The following CERS6 variants were observed in gnomAD, a reference collection of about 807,000 sequenced individuals.
The protein encoded by CERS6 is ceramide synthase 6.
In CERS6, 26 loss-of-function variants were observed where a neutral mutation model predicts 56.8. The ratio of observed to expected loss-of-function variants is 0.46; its 90% CI spans 0.34 to 0.63. The LOEUF is 0.63. Ranked by LOEUF, CERS6 falls within the 30% of genes least tolerant of loss-of-function variation. CERS6 has a pLI of 0.01. For synonymous variants in CERS6, 164 were observed against 173.3 expected, an observed-to-expected ratio of 0.95 and a Z score of 0.42; for missense variants, 415 against 467.5, an observed-to-expected ratio of 0.89 and a Z score of 1.04.
chr2:168,732,259 T>C (rs1683562734), intron 8 of CERS6, among the ~76,000 whole-genome samples: 1 of 152,202 alleles, frequency 6.6e-6, no homozygotes, highest in Non-Finnish European at 1.5e-5. Context: ...TGGTAATCAT[T>C]CCTTTCCTTG....
At chr2:168,503,339 T>C (rs1262841629) in intron 1 of CERS6, among the ~76,000 whole-genome samples, 1 of 152,054 alleles carries the variant, frequency 6.6e-6, no homozygotes, top group East Asian at 1.9e-4. Context: ...GTGAAAGCAG[T>C]AGAGTCATGG....
chr2:168,619,142 G>A (rs990874193), intron 3 of CERS6, among the ~76,000 whole-genome samples: 17 of 152,150 alleles, frequency 1.1e-4, no homozygotes, highest in South Asian at 4.1e-4. Flanking sequence ...AATAGTGCTG[G>A]GATAATTGGG....
Position 168,456,335 on chromosome 2 carries a change from A to AGCGGCG in CERS6, c.-105_-100dup, listed in dbSNP as rs1268244932. ...GGAGGCGGCGGCGGCGGGCGGGAGCAGCGGCGGCGGCGGCACAGGCTCGGG... is the reference window on the plus strand; with the variant it reads ...GGAGGCGGCGGCGGCGGGCGGGAGCAGCGGCGGCGGCGGCGGCGGCACAGGCTCGGG... On this transcript the variant is annotated 5_prime_UTR_variant, in exon 1 of 10. Transcript: ENST00000305747. This position sits in a 1 kb window ranked among gnomAD's most constrained non-coding sequence, Gnocchi z 4.1. 9 of 595,204 alleles carry AGCGGCG rather than the reference A, an allele frequency of 1.5e-5. No homozygotes were observed. Among genetic ancestry groups the AGCGGCG allele is most frequent in the Non-Finnish European group, 2.1e-5 (9 of 434,488 alleles). 36.9% of individuals were successfully genotyped at this position (595,204 alleles called of 1,614,324 possible).
intron 4 of CERS6, among the ~76,000 whole-genome samples, chr2:168,680,306 C>A (rs1221446949): frequency 1.3e-5 from 2 of 152,124 alleles, no homozygotes; most frequent in Non-Finnish European, 2.9e-5. Context: ...AATCCAGGCA[C>A]GGGCATCTCA....
chr2:168,688,895 T>A (rs1252353631), intron 4 of CERS6, among the ~76,000 whole-genome samples: 1 of 152,146 alleles, frequency 6.6e-6, no homozygotes, highest in Non-Finnish European at 1.5e-5. Context: ...GCACATCTGA[T>A]GCACACAGAG....
At chr2:168,526,577 G>A (rs1390429655) in intron 1 of CERS6, among the ~76,000 whole-genome samples, 2 of 152,196 alleles carry the variant, frequency 1.3e-5, no homozygotes, top group Non-Finnish European at 2.9e-5. Context: ...TGATATAACT[G>A]TATTACAGAA....
chr2:168,517,900 C>A (rs1476986023), intron 1 of CERS6, among the ~76,000 whole-genome samples: 1 of 152,136 alleles, frequency 6.6e-6, no homozygotes, highest in Non-Finnish European at 1.5e-5. Context: ...ACAGATGGCA[C>A]ATTCCTTTTA....
At chr2:168,609,134 TA>T (rs1684125026) in intron 3 of CERS6, among the ~76,000 whole-genome samples, 1 of 152,216 alleles carries the variant, frequency 6.6e-6, no homozygotes. Flanking sequence ...AGGGAGAGGT[TA>T]TCTTGGATGG....
At chr2:168,460,960 C>A (rs1314706227) in intron 1 of CERS6, among the ~76,000 whole-genome samples, 1 of 151,930 alleles carries the variant, frequency 6.6e-6, no homozygotes, top group Non-Finnish European at 1.5e-5. Flanking sequence ...TGGGTGAGGC[C>A]TTCTAGGATA....
intron 3 of CERS6, among the ~76,000 whole-genome samples, chr2:168,612,082 G>C (rs77074792): frequency 6.6e-6 from 1 of 152,340 alleles, no homozygotes; most frequent in East Asian, 1.9e-4. Flanking sequence ...GTTGAATGCT[G>C]TTCTACATAC....
chr2:168,719,139 G>C (rs1474317128), intron 8 of CERS6, among the ~76,000 whole-genome samples: 1 of 152,298 alleles, frequency 6.6e-6, no homozygotes, highest in Non-Finnish European at 1.5e-5. Flanking sequence ...TACCAGCACT[G>C]AGATGGTACT....
chr2:168,523,490 A>C (rs1695019125), intron 1 of CERS6, among the ~76,000 whole-genome samples: 1 of 152,076 alleles, frequency 6.6e-6, no homozygotes, highest in South Asian at 2.1e-4. Flanking sequence ...TGTATGAATG[A>C]AAGAGAGGTG....
At chr2:168,650,610 A>G (rs1312399582) in intron 4 of CERS6, among the ~76,000 whole-genome samples, 2 of 151,908 alleles carry the variant, frequency 1.3e-5, no homozygotes, top group East Asian at 3.9e-4. Context: ...CCCTTTGTCT[A>G]TTTATTACAC....
intron 4 of CERS6, among the ~76,000 whole-genome samples, chr2:168,636,897 G>A (rs983289410): frequency 2.6e-5 from 4 of 152,140 alleles, no homozygotes; most frequent in African/African-American, 7.2e-5. Context: ...TGTAGAGGCC[G>A]TCAGAACGCC....
chr2:168,525,519 T>C (rs1695054698), intron 1 of CERS6, among the ~76,000 whole-genome samples: 1 of 152,264 alleles, frequency 6.6e-6, no homozygotes, highest in Admixed American at 6.5e-5. Context: ...CCAATGCTTA[T>C]GGTTCTTGGG....
chr2:168,627,615 A>G (rs1297063683), intron 3 of CERS6, among the ~76,000 whole-genome samples: 1 of 125,088 alleles, frequency 8.0e-6, no homozygotes, highest in African/African-American at 3.1e-5. Context: ...TGTTGTTTTT[A>G]TGCTTGAACA....
intron 6 of CERS6, among the ~76,000 whole-genome samples, chr2:168,706,710 T>G (rs1686949678): frequency 6.6e-6 from 1 of 152,238 alleles, no homozygotes; most frequent in Non-Finnish European, 1.5e-5. Context: ...CTTGACACAT[T>G]TTTTGGTCTG....
rs759272935 is a variant in CERS6 at position 168,456,526 on chromosome 2, C to T, written c.78C>T (p.Asn26=). 5 of 1,614,074 alleles carry T rather than the reference C, an allele frequency of 3.1e-6. No homozygotes were observed. The highest frequency in any genetic ancestry group is 4.2e-6 in the Non-Finnish European group (5 of 1,179,918). Residue 26 remains asparagine (N), a synonymous_variant, in exon 1 of 10, where the codon AAC becomes AAT. Transcript: ENST00000305747. This position sits in a 1 kb window ranked among gnomAD's most constrained non-coding sequence, Gnocchi z 4.1. ...ATGTCACCTGGGCGGACCTGAAGAA[C>T]ACGGAGGAGGCCACCTTCCCGCAGG... is the stretch of plus-strand genomic sequence containing the variant. The part of the protein sequence containing the change: ...PHNVTWADLK[N]TEEATFPQAE...
chr2:168,688,032 T>G (rs1331131807), intron 4 of CERS6, among the ~76,000 whole-genome samples: 2 of 152,158 alleles, frequency 1.3e-5, no homozygotes, highest in Non-Finnish European at 2.9e-5. Flanking sequence ...TTTCCAACCT[T>G]GATAAACTTC....
Sources: gnomAD v4.1 joint callset for allele counts (sites outside exome capture counted in the v4.1 genomes callset) on GRCh38, gnomAD v4.1.1 for gene constraint, Gnocchi (gnomAD v3.1) non-coding constraint, MANE v1.5 for transcripts, NCBI Gene and HGNC (gene_info 2026-07-23, HGNC 2026-07-21) for gene names.